SEPTIN11: variants seen among roughly 807,000 people sequenced by gnomAD.
The protein encoded by SEPTIN11 is septin-11.
SEPTIN11 carries 25 observed loss-of-function variants against 51.4 expected under a neutral mutation model. That is an observed-to-expected ratio of 0.49 (90% CI 0.35 to 0.68). SEPTIN11 has a LOEUF of 0.68. Among genes scored for constraint, SEPTIN11 ranks in the 30% least tolerant of loss-of-function variants. The pLI is 0.00. For synonymous variants in SEPTIN11, 174 were observed against 184.1 expected (o/e 0.95, Z 0.44); for missense variants, 381 against 520.8 (o/e 0.73, Z 2.61).
Position 77,035,636 on chromosome 4 carries a change from CA to C in SEPTIN11, c.*1126del. On this transcript the variant is annotated 3_prime_UTR_variant, in exon 10 of 10. Transcript: ENST00000264893. ...TGCTTAGTCTCCTTTCAGTATTTGG[CA>C]ATAAAAGAAAGAAGAAATAGAACAG... 1.0e-6 allele frequency: 1 copy of C among 985,500 alleles called. No individual in the cohort carries two copies. The highest frequency in any genetic ancestry group is 1.2e-6 in the Non-Finnish European group (1 of 829,886). The allele number at this position is 985,500 out of a possible 1,614,324, so 61.0% of individuals were successfully genotyped here. A position where few individuals can be genotyped will look rare whatever the true frequency, so the allele number is the denominator to read the frequency against.
At chr4:77,039,750 T>A, downstream of SEPTIN11, 1 of 985,036 alleles carries the variant, frequency 1.0e-6, no homozygotes, top group South Asian at 4.7e-5. Context: ...CAGCTGACCA[T>A]CTGCCTCTTG....
At chr4:77,038,658 G>A, downstream of SEPTIN11, 9 of 997,830 alleles carry the variant, frequency 9.0e-6, no homozygotes, top group Non-Finnish European at 1.1e-5. Flanking sequence ...TCACTGCTTG[G>A]TTTGCATATG....
At position 76,959,190 on chromosome 4, in the gene SEPTIN11, G is replaced by A. The variant is rs74674957; in HGVS notation, c.27+9260G>A. The A allele has an allele frequency of 1.7e-3, 709 of 408,446 alleles. 5 individuals carry two copies. The highest frequency in any genetic ancestry group is 0.013 in the African/African-American group (646 of 48,856). The allele number at this position is 408,446 out of a possible 1,614,324, so 25.3% of individuals were successfully genotyped here. The stretch of plus-strand genomic sequence containing the variant: ...CCATTCTTGGCTGCTGGGGTCTGAT[G>A]AGCAACTGTAACGACCGATGGAAAC... On this transcript the variant is annotated intron_variant, in intron 1 of 9. Coordinates refer to ENST00000264893, the MANE Select transcript of SEPTIN11 (RefSeq NM_018243.4).
At chr4:76,950,359 G>A (rs1228954160) in intron 1 of SEPTIN11, among the ~76,000 whole-genome samples, 2 of 152,310 alleles carry the variant, frequency 1.3e-5, no homozygotes, top group Admixed American at 6.5e-5. Context: ...GAAGTGCTGC[G>A]TGTGGCACTG....
chr4:77,002,485 G>C (rs2703102), intron 2 of SEPTIN11, among the ~76,000 whole-genome samples: 83,679 of 152,052 alleles, frequency 0.55, 23,619 homozygotes, highest in Middle Eastern at 0.61. Flanking sequence ...AACTTTTATA[G>C]GGCAGATCTG....
At chr4:76,977,975 G>A (rs910845834) in intron 1 of SEPTIN11, among the ~76,000 whole-genome samples, 1 of 152,178 alleles carries the variant, frequency 6.6e-6, no homozygotes, top group Non-Finnish European at 1.5e-5. Context: ...ACTGCTAACT[G>A]CATCCTTTCT....
chr4:76,980,494 T>C (rs1239397282), intron 1 of SEPTIN11, among the ~76,000 whole-genome samples: 1 of 152,146 alleles, frequency 6.6e-6, no homozygotes, highest in Admixed American at 6.6e-5. Flanking sequence ...AGCTGCCACA[T>C]TGCGCTAAAC....
chr4:76,962,767 AG>A (rs1442384335), intron 1 of SEPTIN11, among the ~76,000 whole-genome samples: 1 of 152,230 alleles, frequency 6.6e-6, no homozygotes, highest in Non-Finnish European at 1.5e-5. Flanking sequence ...TCATTTGGAA[AG>A]GCAAAGTTAT....
At chr4:76,996,565 A>G in intron 2 of SEPTIN11, 26 bp downstream of exon 2, 1 of 1,497,464 alleles carries the variant, frequency 6.7e-7, no homozygotes, top group Non-Finnish European at 9.3e-7. Context: ...CCCCACAGCA[A>G]GAAATTTGAT....
chr4:76,965,444 C>T (rs1404781376), intron 1 of SEPTIN11, among the ~76,000 whole-genome samples: 1 of 146,316 alleles, frequency 6.8e-6, no homozygotes, highest in Non-Finnish European at 1.5e-5. Flanking sequence ...GAGCCAGACT[C>T]CATTTCAAAA....
chr4:76,983,262 G>A lies in SEPTIN11; in HGVS notation c.28-13163G>A, dbSNP rs998772516. Among the ~76,000 whole-genome samples the A allele has an allele frequency of 2.0e-5, 3 of 152,208 alleles. No homozygotes were observed. In the South Asian group the frequency reaches 6.2e-4, roughly 31 times the overall value. ...GAAGAAGGATATTTGACATGTGAGA[G>A]GGACACAGGGAGATTTTTCATTGCT... On this transcript the variant is annotated intron_variant, in intron 1 of 9. Coordinates refer to ENST00000264893, the MANE Select transcript of SEPTIN11 (RefSeq NM_018243.4).
chr4:76,949,988 G>A, intron 1 of SEPTIN11, 58 bp downstream of exon 1: 2 of 1,390,718 alleles, frequency 1.4e-6, no homozygotes, highest in Non-Finnish European at 1.9e-6. Context: ...CTGCTCTGGG[G>A]CGGGTGCGGT....
At chr4:77,013,246 C>G (rs1161480004) in intron 4 of SEPTIN11, among the ~76,000 whole-genome samples, 1 of 152,106 alleles carries the variant, frequency 6.6e-6, no homozygotes. Context: ...AACAGTCAAC[C>G]ATAAAGCAGG....
In SEPTIN11 at chr4:77,014,969, G is replaced by A; in HGVS notation, c.639G>A (p.Gln213=). Residue 213 remains glutamine (Q), a synonymous_variant, in exon 5 of 10, where the codon CAG becomes CAA. Transcript: ENST00000264893. ...TCAGCAATGGGGTCCAGATATATCAGTTTCCCACTGATGAAGAAACGGTGG... is the reference window on the plus strand; with the variant it reads ...TCAGCAATGGGGTCCAGATATATCAATTTCCCACTGATGAAGAAACGGTGG... ...ELVSNGVQIY[Q]FPTDEETVAE... The A allele has an allele frequency of 6.2e-7, 1 of 1,614,052 alleles. No homozygotes were observed. Among genetic ancestry groups the A allele is most frequent in the Non-Finnish European group, 8.5e-7 (1 of 1,179,980 alleles).
At chr4:76,971,109 C>G (rs4538515) in intron 1 of SEPTIN11, among the ~76,000 whole-genome samples, 59,046 of 151,946 alleles carry the variant, frequency 0.39, 11,729 homozygotes, top group Non-Finnish European at 0.43. Context: ...AAATGTCTAG[C>G]AGAATTGATG....
intron 1 of SEPTIN11, among the ~76,000 whole-genome samples, chr4:76,987,164 G>C (rs571232635): frequency 6.6e-6 from 1 of 152,186 alleles, no homozygotes; most frequent in African/African-American, 2.4e-5. Context: ...TGACCTAGGG[G>C]CTGGCTCCTG....
rs1047788375 is a variant in SEPTIN11 at position 77,024,678 on chromosome 4, G to T, written c.954-3951G>T. On this transcript the variant is annotated intron_variant, in intron 7 of 9. Transcript: ENST00000264893. The surrounding 1 kb of genome is among the most constrained non-coding windows in gnomAD (Gnocchi z 4.2). ...AGAGGCCAACGAGGTCCAGGCCCCA[G>T]AGACTCACTTGTTTTTAGGAGTGCC... is the stretch of plus-strand genomic sequence containing the variant. Among the ~76,000 whole-genome samples the T allele has an allele frequency of 2.0e-5, 3 of 152,166 alleles. No individual in the cohort carries two copies. The highest frequency in any genetic ancestry group is 4.4e-5 in the Non-Finnish European group (3 of 68,034).
chr4:76,996,871 C>T (rs1257610387), intron 2 of SEPTIN11, among the ~76,000 whole-genome samples: 1 of 149,822 alleles, frequency 6.7e-6, no homozygotes, highest in Non-Finnish European at 1.5e-5. Flanking sequence ...TTCTTCACCC[C>T]TCTAGCCATA....
intron 1 of SEPTIN11, among the ~76,000 whole-genome samples, chr4:76,975,534 A>C (rs1230271250): frequency 6.6e-6 from 1 of 152,248 alleles, no homozygotes; most frequent in Non-Finnish European, 1.5e-5. Context: ...TTTTCAAGTC[A>C]AAAAATTAGC....
Sources: gnomAD v4.1 joint callset for allele counts (sites outside exome capture counted in the v4.1 genomes callset) on GRCh38, gnomAD v4.1.1 for gene constraint, Gnocchi (gnomAD v3.1) non-coding constraint, MANE v1.5 for transcripts, NCBI Gene and HGNC (gene_info 2026-07-23, HGNC 2026-07-21) for gene names.